Variants in CCNY observed in about 807,000 individuals in gnomAD.
CCNY encodes the protein cyclin-Y.
CCNY carries 19 observed loss-of-function variants against 42.8 expected under a neutral mutation model. The ratio of observed to expected loss-of-function variants is 0.44; its 90% CI spans 0.31 to 0.65. The LOEUF (loss-of-function observed/expected upper bound fraction) is 0.65, where lower values mean the gene tolerates loss of function less well. Among genes scored for constraint, CCNY ranks in the 30% least tolerant of loss-of-function variants. The probability of loss-of-function intolerance (pLI) is 0.07; values close to 1 mark genes in which losing one functional copy is unlikely to be tolerated. For missense variants in CCNY, 370 were observed against 437.3 expected, an observed-to-expected ratio of 0.85 and a Z score of 1.37; for synonymous variants, 165 against 162.7, an observed-to-expected ratio of 1.01 and a Z score of -0.11.
chr10:35,520,677 G>A (rs535858694), intron 4 of CCNY, among the ~76,000 whole-genome samples: 1 of 152,282 alleles, frequency 6.6e-6, no homozygotes, highest in Admixed American at 6.5e-5. Flanking sequence ...AGGGTTGAAT[G>A]CTAATCTAAC....
chr10:35,561,270 G>T (rs981970803), intron 8 of CCNY, among the ~76,000 whole-genome samples: 2 of 152,302 alleles, frequency 1.3e-5, no homozygotes, highest in Admixed American at 1.3e-4. Context: ...GGTGGGAGGC[G>T]TTTGGGCAGG....
At chr10:35,477,388 A>G (rs1310763351) in intron 1 of CCNY, among the ~76,000 whole-genome samples, 4 of 150,588 alleles carry the variant, frequency 2.7e-5, no homozygotes, top group African/African-American at 4.9e-5. Context: ...AAAATCCTCA[A>G]TAAAATACTG....
intron 2 of CCNY, 79 bp from the exon 3 acceptor site, chr10:35,501,422 A>G (rs1840108243): frequency 8.2e-7 from 1 of 1,212,712 alleles, no homozygotes; most frequent in Non-Finnish European, 1.2e-6. Flanking sequence ...ACCACGACAC[A>G]GAGGCCCAGT....
At chr10:35,349,593 G>A (rs1187477480) in intron 1 of CCNY, among the ~76,000 whole-genome samples, 1 of 152,122 alleles carries the variant, frequency 6.6e-6, no homozygotes, top group African/African-American at 2.4e-5. Context: ...ATGTGTATTT[G>A]CTAAATCTCA....
At chr10:35,320,257 C>T (rs1203066630) in intron 3 of CCNY, among the ~76,000 whole-genome samples, 1 of 152,078 alleles carries the variant, frequency 6.6e-6, no homozygotes, top group Admixed American at 6.6e-5. Context: ...CAATATATAA[C>T]AAGGATAATG....
intron 3 of CCNY, among the ~76,000 whole-genome samples, chr10:35,515,240 G>T (rs1394519145): frequency 2.0e-5 from 3 of 152,164 alleles, no homozygotes; most frequent in Non-Finnish European, 4.4e-5. Context: ...CTTCTAACCT[G>T]TTTGCTGTTG....
chr10:35,361,433 G>C (rs1378216831), intron 1 of CCNY, among the ~76,000 whole-genome samples: 1 of 152,140 alleles, frequency 6.6e-6, no homozygotes, highest in East Asian at 1.9e-4. Context: ...TTAATTGAGT[G>C]CTTAGATTTA....
At chr10:35,268,697 C>A (rs1247453446) in intron 3 of CCNY, among the ~76,000 whole-genome samples, 1 of 152,234 alleles carries the variant, frequency 6.6e-6, no homozygotes, top group East Asian at 1.9e-4. Context: ...GATGGCCAGC[C>A]TGTACAGCCC....
chr10:35,549,603 C>T (rs1381338292), intron 7 of CCNY, among the ~76,000 whole-genome samples: 11 of 127,852 alleles, frequency 8.6e-5, no homozygotes, highest in African/African-American at 1.9e-4. Flanking sequence ...CATGACCCTG[C>T]GCTGCTCATG....
At chr10:35,372,857 A>G (rs1215059379) in intron 1 of CCNY, among the ~76,000 whole-genome samples, 15 of 151,848 alleles carry the variant, frequency 9.9e-5, no homozygotes, top group Non-Finnish European at 1.5e-4. Flanking sequence ...CTGCCACCAC[A>G]CCTGGCTAAT....
chr10:35,361,455 T>G (rs1020233719), intron 1 of CCNY, among the ~76,000 whole-genome samples: 8 of 152,234 alleles, frequency 5.3e-5, no homozygotes, highest in African/African-American at 1.4e-4. Flanking sequence ...ATTTTGGTTC[T>G]TTAGGTTTTT....
chr10:35,374,280 A>C (rs2135180544), intron 1 of CCNY, among the ~76,000 whole-genome samples: 1 of 152,258 alleles, frequency 6.6e-6, no homozygotes, highest in Non-Finnish European at 1.5e-5. Flanking sequence ...TTTTTTATTA[A>C]TTTTTAATAC....
At chr10:35,290,974 C>T (rs1173725764) in intron 3 of CCNY, among the ~76,000 whole-genome samples, 1 of 152,038 alleles carries the variant, frequency 6.6e-6, no homozygotes, top group Non-Finnish European at 1.5e-5. Context: ...TTTGATAATT[C>T]CACACATTTC....
chr10:35,417,363 C>T (rs1405746759), intron 1 of CCNY, among the ~76,000 whole-genome samples: 1 of 152,228 alleles, frequency 6.6e-6, no homozygotes, highest in Non-Finnish European at 1.5e-5. Context: ...TGAGTCTCAG[C>T]TCTTGATTCA....
intron 4 of CCNY, among the ~76,000 whole-genome samples, chr10:35,524,889 C>T (rs959358168): frequency 1.3e-5 from 2 of 152,164 alleles, no homozygotes; most frequent in Admixed American, 6.5e-5. Context: ...GGGAAGTCCA[C>T]TGGTGTAGAC....
At chr10:35,305,637 C>T (rs1348100440) in intron 3 of CCNY, among the ~76,000 whole-genome samples, 6 of 152,178 alleles carry the variant, frequency 3.9e-5, no homozygotes. Flanking sequence ...TCTTCCTAAT[C>T]CTCCTTATTT....
intron 7 of CCNY, among the ~76,000 whole-genome samples, chr10:35,537,950 T>G (rs1393990555): frequency 6.6e-6 from 1 of 152,166 alleles, no homozygotes; most frequent in African/African-American, 2.4e-5. Flanking sequence ...AAGATCGCAT[T>G]TTGAATTGTA....
In CCNY at chr10:35,375,690, T is replaced by C. The variant is rs567256105; in HGVS notation, c.154+38483T>C. 2.0e-5 allele frequency among the ~76,000 whole-genome samples: 3 copies of C among 152,288 alleles called. No individual in the cohort carries two copies. In the East Asian group the frequency reaches 5.8e-4, roughly 29 times the overall value. ...TGCTGCCTCACAGATGTAATAAATATTGCAAACCTCACTCACAGAGGGTCT... is the reference window on the plus strand; with the variant it reads ...TGCTGCCTCACAGATGTAATAAATACTGCAAACCTCACTCACAGAGGGTCT... On this transcript the variant is annotated intron_variant, in intron 1 of 9. Transcript: ENST00000374704.
intron 1 of CCNY, among the ~76,000 whole-genome samples, chr10:35,389,104 A>G (rs1336860837): frequency 6.6e-6 from 1 of 152,194 alleles, no homozygotes; most frequent in Non-Finnish European, 1.5e-5. Context: ...GGTTCCAGGG[A>G]TTAGGACGAG....
Sources: gnomAD v4.1 joint callset for allele counts (sites outside exome capture counted in the v4.1 genomes callset) on GRCh38, gnomAD v4.1.1 for gene constraint, MANE v1.5 for transcripts, NCBI Gene and HGNC (gene_info 2026-07-23, HGNC 2026-07-21) for gene names.